NETO2: variants seen among roughly 807,000 people sequenced by gnomAD.
NETO2 encodes neuropilin and tolloid-like protein 2.
NETO2 carries 28 observed loss-of-function variants against 62.5 expected under a neutral mutation model. The ratio of observed to expected loss-of-function variants is 0.45; its 90% CI spans 0.33 to 0.61. The LOEUF is 0.61. Ranked by LOEUF, NETO2 falls within the 20% of genes least tolerant of loss-of-function variation. The pLI is 0.02. For missense variants in NETO2, 548 were observed against 643.2 expected (o/e 0.85, Z 1.60); for synonymous variants, 214 against 219.1 (o/e 0.98, Z 0.21).
At chr16:47,118,312 C>A (rs79049046) in intron 6 of NETO2, among the ~76,000 whole-genome samples, 1 of 152,290 alleles carries the variant, frequency 6.6e-6, no homozygotes, top group Non-Finnish European at 1.5e-5. Context: ...GTTCCCAACA[C>A]TGCTGCCACG....
At chr16:47,137,548 G>C (rs1352351047) in intron 1 of NETO2, among the ~76,000 whole-genome samples, 1 of 152,182 alleles carries the variant, frequency 6.6e-6, no homozygotes, top group Non-Finnish European at 1.5e-5. Context: ...TTGAGGTGAA[G>C]GCTCTACTAT....
intron 4 of NETO2, among the ~76,000 whole-genome samples, chr16:47,126,691 G>C (rs1036477555): frequency 1.3e-5 from 2 of 152,186 alleles, no homozygotes; most frequent in Admixed American, 1.3e-4. Flanking sequence ...TCTCGTGCAA[G>C]ATGCTGATGG....
At chr16:47,090,475 A>G (rs1963289700) in intron 7 of NETO2, among the ~76,000 whole-genome samples, 1 of 152,230 alleles carries the variant, frequency 6.6e-6, no homozygotes, top group Non-Finnish European at 1.5e-5. Context: ...ATAAAAAAAG[A>G]CAGCAAAAAT....
intron 7 of NETO2, among the ~76,000 whole-genome samples, chr16:47,101,988 A>G (rs1963557878): frequency 6.6e-6 from 1 of 152,210 alleles, no homozygotes. Context: ...AATCCTAAGC[A>G]AAAAGAACAA....
chr16:47,091,139 ACT>A (rs1963304202), intron 7 of NETO2, among the ~76,000 whole-genome samples: 1 of 151,918 alleles, frequency 6.6e-6, no homozygotes, highest in African/African-American at 2.4e-5. Context: ...TTTTTAAAAA[ACT>A]CTGTTAAATC....
At chr16:47,116,054 T>C (rs1468024017) in intron 6 of NETO2, among the ~76,000 whole-genome samples, 9 of 152,136 alleles carry the variant, frequency 5.9e-5, no homozygotes, top group South Asian at 2.1e-4. Flanking sequence ...TAGTATAACA[T>C]TGAATAGGAC....
chr16:47,114,449 T>C (rs985780602), intron 6 of NETO2, among the ~76,000 whole-genome samples: 4 of 119,632 alleles, frequency 3.3e-5, no homozygotes, highest in Non-Finnish European at 7.1e-5. Flanking sequence ...CTTTTTTTTT[T>C]TTTTTTTTTT....
chr16:47,091,405 G>T lies in NETO2; in HGVS notation c.884-5066C>A, dbSNP rs146261671. ...ACCTTAACTAAAACACATTAGAGAAGAATTTCTCATCATGGATATAGACCA... is the reference window on the plus strand; with the variant it reads ...ACCTTAACTAAAACACATTAGAGAATAATTTCTCATCATGGATATAGACCA... On this transcript the variant is annotated intron_variant, in intron 7 of 8. Coordinates refer to ENST00000562435, the MANE Select transcript of NETO2 (RefSeq NM_018092.5). Among the ~76,000 whole-genome samples, 184 of 152,204 alleles carry T rather than the reference G, an allele frequency of 1.2e-3. 1 individual carries two copies. The highest frequency in any genetic ancestry group is 1.9e-3 in the Non-Finnish European group (132 of 68,012).
rs768149540 is a variant in NETO2 at position 47,122,682 on chromosome 16, G to A, written c.629C>T (p.Thr210Ile). Residue 210 changes from threonine to isoleucine, a missense_variant, in exon 6 of 9, where the codon ACC (threonine) becomes ATC (isoleucine). Physicochemically the swap from Thr to Ile is moderately conservative, Grantham distance 89. Coordinates refer to ENST00000562435, the MANE Select transcript of NETO2 (RefSeq NM_018092.5). ...KPGQAVDCIW[T>I]IKATPKAKIY... ...CTTAGCTTTTGGAGTGGCTTTAATG[G>A]TCCAGATGCAATCAACGGCTTGGCC... The A allele has an allele frequency of 1.9e-6, 3 of 1,614,064 alleles. No individual in the cohort carries two copies. The South Asian group carries it at 3.3e-5, about 18-fold the overall frequency.
chr16:47,096,462 CATT>C (rs1271512394), intron 7 of NETO2, among the ~76,000 whole-genome samples: 1 of 152,080 alleles, frequency 6.6e-6, no homozygotes, highest in Admixed American at 6.5e-5. Context: ...CAACTGGAGA[CATT>C]ACTACAGATC....
rs1963095752 is a variant in NETO2, at chr16:47,082,804, A to G, written c.*417T>C. On this transcript the variant is annotated 3_prime_UTR_variant, in exon 9 of 9. Transcript: ENST00000562435. ...TAGGCTTATAAAACAAATTAAATTT[A>G]GAGAAAGGAAAAATAAAAGGAATGT... is the stretch of plus-strand genomic sequence containing the variant. 6.3e-6 allele frequency: 1 copy of G among 159,270 alleles called. No homozygotes were observed. The highest frequency in any genetic ancestry group is 2.4e-5 in the African/African-American group (1 of 41,702). The allele number at this position is 159,270 out of a possible 1,614,324, so 9.9% of individuals were successfully genotyped here. A position where few individuals can be genotyped will look rare whatever the true frequency, so the allele number is the denominator to read the frequency against.
In NETO2 at chr16:47,078,905, G is replaced by A. The variant is rs920294171; in HGVS notation, c.*4316C>T. ...AAAAGGGGAAATATAATGCATTGAAGAAATTACAGAATAAATTACATTTCA... is the reference window on the plus strand; with the variant it reads ...AAAAGGGGAAATATAATGCATTGAAAAAATTACAGAATAAATTACATTTCA... On this transcript the variant is annotated 3_prime_UTR_variant, in exon 9 of 9. Coordinates refer to ENST00000562435, the MANE Select transcript of NETO2 (RefSeq NM_018092.5). 2 of 152,186 alleles carry A rather than the reference G, an allele frequency of 1.3e-5. No individual in the cohort carries two copies. 9.4% of individuals were successfully genotyped at this position (152,186 alleles called of 1,614,324 possible). A position where few individuals can be genotyped will look rare whatever the true frequency, so the allele number is the denominator to read the frequency against.
intron 1 of NETO2, among the ~76,000 whole-genome samples, chr16:47,136,942 T>C (rs1178528474): frequency 6.6e-6 from 1 of 151,470 alleles, no homozygotes; most frequent in East Asian, 1.9e-4. Context: ...TAATAATAAA[T>C]GGGGGAAAAA....
intron 6 of NETO2, among the ~76,000 whole-genome samples, chr16:47,113,509 G>A (rs553743725): frequency 6.6e-6 from 1 of 150,958 alleles, no homozygotes; most frequent in Non-Finnish European, 1.5e-5. Flanking sequence ...TGCATTTGGG[G>A]TTACTGCATG....
At chr16:47,114,350 T>C (rs1171640296) in intron 6 of NETO2, among the ~76,000 whole-genome samples, 2 of 149,980 alleles carry the variant, frequency 1.3e-5, no homozygotes, top group East Asian at 1.9e-4. Context: ...TGATTTTTTT[T>C]CTCCCAGTCA....
intron 7 of NETO2, among the ~76,000 whole-genome samples, chr16:47,097,692 C>A (rs934805052): frequency 1.3e-5 from 2 of 152,248 alleles, no homozygotes; most frequent in African/African-American, 2.4e-5. Context: ...ATACTGCCTC[C>A]TCAAGTGGGT....
At chr16:47,095,861 T>C (rs571885847) in intron 7 of NETO2, among the ~76,000 whole-genome samples, 5 of 152,308 alleles carry the variant, frequency 3.3e-5, no homozygotes, top group African/African-American at 1.2e-4. Flanking sequence ...AATGTAATTT[T>C]TCTCAATTAC....
At chr16:47,126,052 T>G (rs1964151540) in intron 4 of NETO2, among the ~76,000 whole-genome samples, 1 of 152,224 alleles carries the variant, frequency 6.6e-6, no homozygotes, top group Non-Finnish European at 1.5e-5. Flanking sequence ...TGTTACTACT[T>G]TAAATACCTT....
chr16:47,129,892 T>C (rs574817722), intron 2 of NETO2, among the ~76,000 whole-genome samples: 4 of 152,328 alleles, frequency 2.6e-5, no homozygotes, highest in East Asian at 1.9e-4. Context: ...GGGGTAGATA[T>C]AGCAGTAACA....
Sources: gnomAD v4.1 joint callset for allele counts (sites outside exome capture counted in the v4.1 genomes callset) on GRCh38, gnomAD v4.1.1 for gene constraint, MANE v1.5 for transcripts, NCBI Gene and HGNC (gene_info 2026-07-23, HGNC 2026-07-21) for gene names.